ADGRB1: variants seen among roughly 807,000 people sequenced by gnomAD.
ADGRB1 encodes the protein adhesion G protein-coupled receptor B1.
Under a neutral mutation model 175.7 loss-of-function variants are expected in ADGRB1, and 36 were observed. The ratio of observed to expected loss-of-function variants is 0.20; its 90% CI spans 0.16 to 0.27. ADGRB1 has a LOEUF of 0.27. Among genes scored for constraint, ADGRB1 ranks in the 10% least tolerant of loss-of-function variants. The pLI is 1.00. For synonymous variants in ADGRB1, 1,054 were observed against 979.4 expected, an observed-to-expected ratio of 1.08 and a Z score of -1.42; for missense variants, 1,731 against 2,255.3, an observed-to-expected ratio of 0.77 and a Z score of 4.71.
At chr8:142,513,124 C>G (rs892412454) in intron 18 of ADGRB1, among the ~76,000 whole-genome samples, 2 of 152,212 alleles carry the variant, frequency 1.3e-5, no homozygotes, top group African/African-American at 4.8e-5. Flanking sequence ...GGTGCCCTGT[C>G]CCCCATCCCA....
rs1287315136 is a variant in ADGRB1 at position 142,511,540 on chromosome 8, G to C, written c.2817+467G>C. Among the ~76,000 whole-genome samples the C allele has an allele frequency of 6.6e-6, 1 of 152,184 alleles. No individual in the cohort carries two copies. The highest frequency in any genetic ancestry group is 1.5e-5 in the Non-Finnish European group (1 of 68,010). On this transcript the variant is annotated intron_variant, in intron 18 of 30. Transcript: ENST00000517894. The surrounding 1 kb of genome is among the most constrained non-coding windows in gnomAD (Gnocchi z 4.5). ...ACCCACCCCAAGTAGAGCCTGGTCC[G>C]TGGAGGAGGAGGTGGCGGTGGCCCC... is the stretch of plus-strand genomic sequence containing the variant.
chr8:142,502,558 TGGTGGTGATAG>T (rs1842668768), intron 17 of ADGRB1, among the ~76,000 whole-genome samples: 1 of 53,164 alleles, frequency 1.9e-5, no homozygotes, highest in Non-Finnish European at 4.4e-5. Context: ...GTGGTGGTGG[TGGTGGTGATAG>T]GATGGTGGTT....
At chr8:142,451,450 G>A (rs1047363587) in intron 1 of ADGRB1, among the ~76,000 whole-genome samples, 1 of 152,120 alleles carries the variant, frequency 6.6e-6, no homozygotes, top group Non-Finnish European at 1.5e-5. Flanking sequence ...CGACCTCCCC[G>A]TTCTTCCTCC....
intron 17 of ADGRB1, among the ~76,000 whole-genome samples, chr8:142,494,701 T>C (rs112028554): frequency 0.051 from 7,707 of 151,124 alleles, 548 homozygotes; most frequent in African/African-American, 0.16. Context: ...CCCCAGCAAC[T>C]AGATCCGTAA....
rs1840861964 is a variant in ADGRB1 at position 142,474,819 on chromosome 8, T to C, written c.785-655T>C. Among the ~76,000 whole-genome samples the C allele has an allele frequency of 6.6e-6, 1 of 151,846 alleles. No individual in the cohort carries two copies. Among genetic ancestry groups the C allele is most frequent in the African/African-American group, 2.4e-5 (1 of 41,328 alleles). On this transcript the variant is annotated intron_variant, in intron 2 of 30. Coordinates refer to ENST00000517894, the MANE Select transcript of ADGRB1 (RefSeq NM_001702.3). The surrounding 1 kb of genome is among the most constrained non-coding windows in gnomAD (Gnocchi z 5.8). ...CGTGGCGGGGAGGCGCCTGCAGGCA[T>C]TTATCCCAGGCTCCCTCCTCGGGTG... is the stretch of plus-strand genomic sequence containing the variant.
intron 25 of ADGRB1, among the ~76,000 whole-genome samples, chr8:142,536,368 G>T (rs2132249439): frequency 6.6e-6 from 1 of 152,300 alleles, no homozygotes; most frequent in East Asian, 1.9e-4. Context: ...ACCTCCTTGG[G>T]AGTTCCCTGT....
At chr8:142,469,760 AATGT>A (rs1244141849) in intron 2 of ADGRB1, among the ~76,000 whole-genome samples, 4 of 150,996 alleles carry the variant, frequency 2.6e-5, no homozygotes, top group Non-Finnish European at 5.9e-5. Flanking sequence ...TGCCTGTGTG[AATGT>A]ATGTGTGTAT....
In ADGRB1 at chr8:142,453,821, TG is replaced by T. The variant is rs1839501932; in HGVS notation, c.-220+3721del. On this transcript the variant is annotated intron_variant, in intron 1 of 30. Coordinates refer to ENST00000517894, the MANE Select transcript of ADGRB1 (RefSeq NM_001702.3). ...AAGGCAACCTACAGAGGCCTAGAAG[TG>T]GGGCTTACCCAGGAGGTGTCCCACG... Among the ~76,000 whole-genome samples the T allele has an allele frequency of 2.6e-5, 4 of 151,936 alleles. No individual in the cohort carries two copies. The South Asian group carries it at 8.3e-4, about 32-fold the overall frequency.
chr8:142,500,040 G>T (rs920739508), intron 17 of ADGRB1, among the ~76,000 whole-genome samples: 1 of 152,232 alleles, frequency 6.6e-6, no homozygotes, highest in East Asian at 1.9e-4. Context: ...TGGCTCCTGG[G>T]CCATGTCTGA....
intron 17 of ADGRB1, among the ~76,000 whole-genome samples, chr8:142,501,566 T>C (rs1393750953): frequency 2.4e-4 from 35 of 143,034 alleles, no homozygotes; most frequent in Non-Finnish European, 4.3e-4. Context: ...GTGGTGGTGA[T>C]GGTGGTGGCG....
intron 2 of ADGRB1, among the ~76,000 whole-genome samples, chr8:142,471,242 T>G (rs558492401): frequency 6.6e-6 from 1 of 152,334 alleles, no homozygotes; most frequent in African/African-American, 2.4e-5. Flanking sequence ...AATGATATGC[T>G]GGGCCCACCA....
At position 142,464,109 on chromosome 8, in the gene ADGRB1, G is replaced by T; in HGVS notation, c.-90G>T. On this transcript the variant is annotated 5_prime_UTR_variant, in exon 2 of 31. Coordinates refer to ENST00000517894, the MANE Select transcript of ADGRB1 (RefSeq NM_001702.3). ...CCGCCTCCCTGCCCCCACCGGGCCG[G>T]CCCTGCCCGCCGCCGGACCCTGGCA... The T allele has an allele frequency of 9.0e-7, 1 of 1,112,116 alleles. No individual in the cohort carries two copies. Among genetic ancestry groups the T allele is most frequent in the South Asian group, 4.4e-5 (1 of 22,666 alleles). The allele number at this position is 1,112,116 out of a possible 1,614,324, so 68.9% of individuals were successfully genotyped here. A position where few individuals can be genotyped will look rare whatever the true frequency, so the allele number is the denominator to read the frequency against.
intron 24 of ADGRB1, among the ~76,000 whole-genome samples, chr8:142,530,367 G>T (rs771499762): frequency 7.2e-5 from 11 of 152,106 alleles, no homozygotes; most frequent in African/African-American, 2.7e-4. Flanking sequence ...AGGGCAGGGC[G>T]GTATGGGCTC....
Position 142,478,180 on chromosome 8 carries a change from C to A in ADGRB1, c.1388-7C>A. The A allele has an allele frequency of 2.5e-6, 4 of 1,598,488 alleles. No individual in the cohort carries two copies. The highest frequency in any genetic ancestry group is 3.4e-6 in the Non-Finnish European group (4 of 1,173,392). ...CACGCCCACTTTGTGTCTCCTTCCT[C>A]CCCCGGGCCGGGCAGTGGATGGAAA... On this transcript the variant is annotated splice_polypyrimidine_tract_variant and splice_region_variant and intron_variant, in intron 6 of 30. Transcript: ENST00000517894.
At chr8:142,499,598 TGG>T (rs1491497139) in intron 17 of ADGRB1, among the ~76,000 whole-genome samples, 7 of 144,644 alleles carry the variant, frequency 4.8e-5, no homozygotes, top group Admixed American at 6.8e-5. Flanking sequence ...AGTGCCGCGG[TGG>T]GAGCGCTGCC....
chr8:142,531,903 G>T (rs2132216855), intron 24 of ADGRB1, among the ~76,000 whole-genome samples: 1 of 152,284 alleles, frequency 6.6e-6, no homozygotes, highest in Middle Eastern at 3.4e-3. Flanking sequence ...ATCCCTTGGG[G>T]GCTGGGCCCT....
At chr8:142,530,155 CTGTGTGTGCGTG>C (rs1844538175) in intron 24 of ADGRB1, among the ~76,000 whole-genome samples, 1 of 151,752 alleles carries the variant, frequency 6.6e-6, no homozygotes, top group Non-Finnish European at 1.5e-5. Flanking sequence ...GGGCATGTGC[CTGTGTGTGCGTG>C]TGTGTGTATG....
At chr8:142,465,563 A>G (rs891353163) in intron 2 of ADGRB1, among the ~76,000 whole-genome samples, 11 of 151,684 alleles carry the variant, frequency 7.3e-5, no homozygotes, top group African/African-American at 2.4e-4. Context: ...CACACGCTCT[A>G]GGTGCTGGGG....
rs751048624 is a variant in ADGRB1, at chr8:142,484,777, G to A, written c.2308+13G>A. The A allele has an allele frequency of 3.3e-5, 51 of 1,563,376 alleles. No individual in the cohort carries two copies. The highest frequency in any genetic ancestry group is 9.2e-5 in the South Asian group (8 of 86,618). On this transcript the variant is annotated intron_variant, in intron 13 of 30. Coordinates refer to ENST00000517894, the MANE Select transcript of ADGRB1 (RefSeq NM_001702.3). ...ACAGACAACCTGGGTAAGCCTGCCC[G>A]CCTGCTGCCACCCCCCATGCCTTGC... is the stretch of plus-strand genomic sequence containing the variant.
Sources: gnomAD v4.1 joint callset for allele counts (sites outside exome capture counted in the v4.1 genomes callset) on GRCh38, gnomAD v4.1.1 for gene constraint, Gnocchi (gnomAD v3.1) non-coding constraint, MANE v1.5 for transcripts, NCBI Gene and HGNC (gene_info 2026-07-23, HGNC 2026-07-21) for gene names.